Variants in SLC35F2 observed in about 807,000 individuals in gnomAD.
SLC35F2 encodes the protein queuine/queuosine transporter SLC35F2.
Under a neutral mutation model 38.1 loss-of-function variants are expected in SLC35F2, and 25 were observed. That is an observed-to-expected ratio of 0.66 (90% CI 0.48 to 0.92). The LOEUF is 0.92. Ranked by LOEUF, SLC35F2 falls within the 40% of genes least tolerant of loss-of-function variation. The pLI is 0.00. For missense variants in SLC35F2, 409 were observed against 452.9 expected (o/e 0.90, Z 0.88); for synonymous variants, 173 against 181.7 (o/e 0.95, Z 0.38).
At chr11:107,794,338 C>A (rs1859184612) in intron 7 of SLC35F2, among the ~76,000 whole-genome samples, 2 of 152,142 alleles carry the variant, frequency 1.3e-5, no homozygotes, top group African/African-American at 2.4e-5. Flanking sequence ...CTTGGCCTCC[C>A]AAAGTGCTGG....
intron 1 of SLC35F2, among the ~76,000 whole-genome samples, chr11:107,839,884 C>T (rs1406659118): frequency 2.0e-5 from 3 of 152,192 alleles, no homozygotes; most frequent in Non-Finnish European, 4.4e-5. Context: ...AACTCCCCAC[C>T]TCAGGTGATC....
intron 1 of SLC35F2, among the ~76,000 whole-genome samples, chr11:107,851,336 G>A (rs1303903020): frequency 6.0e-5 from 9 of 150,948 alleles, no homozygotes; most frequent in Admixed American, 1.3e-4. Flanking sequence ...GGTGGCAGGC[G>A]CCTATAATCC....
intron 1 of SLC35F2, among the ~76,000 whole-genome samples, chr11:107,824,536 G>C (rs558112603): frequency 1.3e-5 from 2 of 152,350 alleles, no homozygotes; most frequent in East Asian, 1.9e-4. Flanking sequence ...CTAGTAGAGA[G>C]TGCAATTTGG....
chr11:107,805,733 A>C, intron 4 of SLC35F2: 1 of 912,944 alleles, frequency 1.1e-6, no homozygotes, highest in Non-Finnish European at 1.3e-6. Context: ...GCTGGAGTGC[A>C]GTGGCGCAAT....
intron 1 of SLC35F2, among the ~76,000 whole-genome samples, chr11:107,835,078 G>A (rs1355327490): frequency 6.6e-6 from 1 of 152,042 alleles, no homozygotes; most frequent in East Asian, 1.9e-4. Flanking sequence ...AAAATCAAAC[G>A]GGTGCTAGTT....
At chr11:107,844,476 T>G (rs1202164951) in intron 1 of SLC35F2, among the ~76,000 whole-genome samples, 1 of 150,134 alleles carries the variant, frequency 6.7e-6, no homozygotes, top group Non-Finnish European at 1.5e-5. Context: ...AATACAAAAA[T>G]TAGCCGGGCC....
At chr11:107,839,704 A>G (rs1169097888) in intron 1 of SLC35F2, among the ~76,000 whole-genome samples, 1 of 152,126 alleles carries the variant, frequency 6.6e-6, no homozygotes, top group Non-Finnish European at 1.5e-5. Context: ...CCCAGGATGG[A>G]TTGCAATGGT....
chr11:107,829,884 G>A (rs1295542924), intron 1 of SLC35F2, among the ~76,000 whole-genome samples: 1 of 152,082 alleles, frequency 6.6e-6, no homozygotes, highest in Non-Finnish European at 1.5e-5. Context: ...AGACTTTGCT[G>A]CCAAAAGAAT....
intron 1 of SLC35F2, among the ~76,000 whole-genome samples, chr11:107,822,533 G>A (rs182675325): frequency 6.6e-6 from 1 of 152,042 alleles, no homozygotes; most frequent in Admixed American, 6.6e-5. Context: ...AGAACACATC[G>A]GGGAGCTCCA....
chr11:107,856,906 AGG>A (rs1235947377), intron 1 of SLC35F2, among the ~76,000 whole-genome samples: 1 of 23,332 alleles, frequency 4.3e-5, no homozygotes, highest in South Asian at 1.8e-3. Flanking sequence ...GAAGGAAGGA[AGG>A]GAGGGAGGGA....
intron 2 of SLC35F2, among the ~76,000 whole-genome samples, chr11:107,812,303 A>G (rs534015050): frequency 6.6e-6 from 1 of 152,060 alleles, no homozygotes; most frequent in Non-Finnish European, 1.5e-5. Context: ...CTAGCATGAA[A>G]CCCTAGTTAA....
At chr11:107,839,723 G>A (rs1275747482) in intron 1 of SLC35F2, among the ~76,000 whole-genome samples, 1 of 152,068 alleles carries the variant, frequency 6.6e-6, no homozygotes, top group Non-Finnish European at 1.5e-5. Flanking sequence ...GTGCGATCTC[G>A]GCTCATCGCA....
intron 1 of SLC35F2, among the ~76,000 whole-genome samples, chr11:107,822,401 G>A (rs1859686691): frequency 6.6e-6 from 1 of 152,042 alleles, no homozygotes; most frequent in Non-Finnish European, 1.5e-5. Context: ...TACATCTTCA[G>A]TCAGTAAGCT....
In SLC35F2 at chr11:107,856,894, G is replaced by GGGAAGGAA. The variant is rs1329613419; in HGVS notation, c.110+1756_110+1763dup. 8.7e-4 allele frequency among the ~76,000 whole-genome samples: 85 copies of GGGAAGGAA among 97,934 alleles called. 1 individual carries two copies. The highest frequency in any genetic ancestry group is 3.3e-3 in the African/African-American group (81 of 24,912). The allele number at this position is 97,934 out of a possible 152,430, so 64.2% of individuals were successfully genotyped here. Reference sequence around the variant, plus strand: ...AGGCAGGAAGGAAGGAAGGGAGGGAGGGAAGGAAGGAAGGGAGGGAGGGAG... The same window carrying GGGAAGGAA: ...AGGCAGGAAGGAAGGAAGGGAGGGAGGGAAGGAAGGAAGGAAGGAAGGGAGGGAGGGAG... On this transcript the variant is annotated intron_variant, in intron 1 of 7. Coordinates refer to ENST00000525815, the MANE Select transcript of SLC35F2 (RefSeq NM_017515.5).
intron 1 of SLC35F2, chr11:107,823,228 G>A (rs1171673841): frequency 2.0e-6 from 2 of 984,908 alleles, no homozygotes; most frequent in East Asian, 1.1e-4. Context: ...ACATGATCAG[G>A]ACGGCAAACC....
At chr11:107,846,247 A>G (rs1310385934) in intron 1 of SLC35F2, among the ~76,000 whole-genome samples, 1 of 152,086 alleles carries the variant, frequency 6.6e-6, no homozygotes, top group African/African-American at 2.4e-5. Context: ...AACCTGGGAG[A>G]AAAAAGGCTG....
At chr11:107,853,443 G>C (rs1182661222) in intron 1 of SLC35F2, among the ~76,000 whole-genome samples, 4 of 152,156 alleles carry the variant, frequency 2.6e-5, no homozygotes, top group Non-Finnish European at 4.4e-5. Flanking sequence ...ATGAGGCCGG[G>C]CGCGGTGGCT....
At position 107,806,970 on chromosome 11, in the gene SLC35F2, GAGTC is replaced by G. The variant is rs1215695818; in HGVS notation, c.415-98_415-95del. ...TAATAGGAGTCAGTATTTATAATAG[GAGTC>G]AGTATTTATTGAGCATTTATTATTG... On this transcript the variant is annotated intron_variant, in intron 3 of 7. Transcript: ENST00000525815. 2.0e-5 allele frequency: 23 copies of G among 1,150,484 alleles called. No individual in the cohort carries two copies. The Admixed American group carries it at 3.1e-4, about 15-fold the overall frequency. The allele number at this position is 1,150,484 out of a possible 1,614,324, so 71.3% of individuals were successfully genotyped here. A position where few individuals can be genotyped will look rare whatever the true frequency, so the allele number is the denominator to read the frequency against.
At chr11:107,841,366 C>G (rs1156844928) in intron 1 of SLC35F2, among the ~76,000 whole-genome samples, 1 of 152,014 alleles carries the variant, frequency 6.6e-6, no homozygotes, top group Non-Finnish European at 1.5e-5. Flanking sequence ...GGTTCAAGAC[C>G]AGCCTGACCA....
Sources: allele counts gnomAD v4.1 joint callset (sites outside exome capture counted in the v4.1 genomes callset), GRCh38; gene constraint gnomAD v4.1.1; transcripts MANE v1.5; gene names NCBI Gene and HGNC (gene_info 2026-07-23, HGNC 2026-07-21).